C9: variants seen among roughly 807,000 people sequenced by gnomAD.
The protein encoded by C9 is complement C9.
In C9, 63 loss-of-function variants were observed where a neutral mutation model predicts 65.4. That is an observed-to-expected ratio of 0.96 (90% CI 0.79 to 1.19). The LOEUF is 1.19. Ranked by LOEUF, C9 falls within the 50% of genes most tolerant of loss-of-function variation. The pLI, the probability that C9 is intolerant of heterozygous loss-of-function variation, is 0.00. For synonymous variants in C9, 229 were observed against 227.9 expected, an observed-to-expected ratio of 1.00 and a Z score of -0.04; for missense variants, 744 against 670.1, an observed-to-expected ratio of 1.11 and a Z score of -1.22.
rs922378969 is a variant in C9 at position 39,329,005 on chromosome 5, C to T, written c.615+2671G>A. ...GTGCATTTTGCAAATTTTTGTTCAT[C>T]TCCCAAATCTTACATTTTCATGGAG... On this transcript the variant is annotated intron_variant, in intron 5 of 10. Transcript: ENST00000263408. Among the ~76,000 whole-genome samples, 4 of 152,286 alleles carry T rather than the reference C, an allele frequency of 2.6e-5. No homozygotes were observed. In the East Asian group the frequency reaches 7.7e-4, roughly 29 times the overall value.
chr5:39,325,397 G>A (rs568868288), intron 5 of C9, among the ~76,000 whole-genome samples: 103 of 152,190 alleles, frequency 6.8e-4, no homozygotes, highest in African/African-American at 2.4e-3. Context: ...AATCTTAAAC[G>A]TTTGTGTGCT....
intron 1 of C9, among the ~76,000 whole-genome samples, chr5:39,343,175 TG>T (rs1159457629): frequency 6.6e-6 from 1 of 152,006 alleles, no homozygotes; most frequent in Non-Finnish European, 1.5e-5. Context: ...CATCAGACAG[TG>T]GGGGCAGGAC....
chr5:39,347,971 A>G (rs927256831), intron 1 of C9, among the ~76,000 whole-genome samples: 1 of 143,376 alleles, frequency 7.0e-6, no homozygotes, highest in African/African-American at 2.6e-5. Context: ...AGCCTTATGT[A>G]GAAAGCTGAA....
chr5:39,310,308 C>T (rs59747263), intron 7 of C9, among the ~76,000 whole-genome samples: 6 of 152,268 alleles, frequency 3.9e-5, no homozygotes, highest in Admixed American at 1.3e-4. Flanking sequence ...CTAAGAGACA[C>T]ACCTATAGTT....
intron 4 of C9, among the ~76,000 whole-genome samples, chr5:39,333,877 T>C (rs13354335): frequency 6.6e-6 from 1 of 152,020 alleles, no homozygotes; most frequent in Non-Finnish European, 1.5e-5. Flanking sequence ...GCCTCCTGAG[T>C]TGCCGGGATT....
At chr5:39,325,791 G>T (rs975284844) in intron 5 of C9, among the ~76,000 whole-genome samples, 7 of 116,112 alleles carry the variant, frequency 6.0e-5, no homozygotes, top group Admixed American at 4.1e-4. Flanking sequence ...AAAAAAAAAA[G>T]ATGCAATGAT....
chr5:39,313,712 A>G (rs892943838), intron 6 of C9, among the ~76,000 whole-genome samples: 8 of 152,112 alleles, frequency 5.3e-5, no homozygotes, highest in African/African-American at 1.9e-4. Context: ...ATTTGATTGT[A>G]TTCTATTTTC....
intron 1 of C9, among the ~76,000 whole-genome samples, chr5:39,360,313 G>A (rs182809956): frequency 2.0e-5 from 3 of 152,066 alleles, no homozygotes; most frequent in African/African-American, 7.2e-5. Flanking sequence ...CACAGAGATG[G>A]TAAGGAATTG....
At chr5:39,353,571 C>A (rs192884744) in intron 1 of C9, among the ~76,000 whole-genome samples, 1 of 152,170 alleles carries the variant, frequency 6.6e-6, no homozygotes, top group Admixed American at 6.5e-5. Context: ...TTAACCTCCC[C>A]GTGTAATTTA....
intron 1 of C9, among the ~76,000 whole-genome samples, chr5:39,359,929 A>G (rs1754483738): frequency 6.6e-6 from 1 of 152,276 alleles, no homozygotes; most frequent in Admixed American, 6.5e-5. Flanking sequence ...TAAATGGACA[A>G]ATACACAAAT....
chr5:39,301,700 C>A (rs1038850755), intron 9 of C9, among the ~76,000 whole-genome samples: 1 of 142,790 alleles, frequency 7.0e-6, no homozygotes. Flanking sequence ...AAGAGGACAT[C>A]TGTATCAAAA....
chr5:39,324,915 C>T (rs1561343734), intron 5 of C9, among the ~76,000 whole-genome samples: 2 of 152,096 alleles, frequency 1.3e-5, no homozygotes, highest in East Asian at 3.9e-4. Context: ...TTCTAGGAGG[C>T]CAGACATATT....
intron 4 of C9, among the ~76,000 whole-genome samples, chr5:39,336,445 A>T (rs890306697): frequency 6.6e-6 from 1 of 152,156 alleles, no homozygotes; most frequent in Non-Finnish European, 1.5e-5. Flanking sequence ...ATTTAAAAAT[A>T]TTAAATACTC....
Position 39,284,965 on chromosome 5 carries a change from C to T in C9, c.*234G>A, listed in dbSNP as rs951389049. 3.6e-5 allele frequency: 17 copies of T among 474,290 alleles called. No individual in the cohort carries two copies. The highest frequency in any genetic ancestry group is 5.3e-5 in the Non-Finnish European group (14 of 262,598). 29.4% of individuals were successfully genotyped at this position (474,290 alleles called of 1,614,324 possible). The stretch of plus-strand genomic sequence containing the variant: ...TTTCCGTGGGATAAAGCAGTTCTGG[C>T]GTATTTCACTGTTGACTTCTCATTA... On this transcript the variant is annotated 3_prime_UTR_variant, in exon 11 of 11. Transcript: ENST00000263408.
Position 39,315,961 on chromosome 5 carries a change from G to A in C9, c.684C>T (p.Ile228=), listed in dbSNP as rs1753562733. The change falls in exon 6 of 11, where the codon ATC becomes ATT. Residue 228 remains isoleucine, a synonymous_variant. Coordinates refer to ENST00000263408, the MANE Select transcript of C9 (RefSeq NM_001737.5). ...EEQIEAFKSI[I]QEKTSNFNAA... Reference sequence around the variant, plus strand: ...CATTAAAATTTGATGTCTTCTCTTGGATGATACTTTTAAATGCTTCAATTT... The same window carrying A: ...CATTAAAATTTGATGTCTTCTCTTGAATGATACTTTTAAATGCTTCAATTT... 2 of 1,609,788 alleles carry A rather than the reference G, an allele frequency of 1.2e-6. No homozygotes were observed. Among genetic ancestry groups the A allele is most frequent in the African/African-American group, 2.7e-5 (2 of 74,778 alleles).
At chr5:39,349,806 C>CT (rs568921724) in intron 1 of C9, among the ~76,000 whole-genome samples, 1 of 152,102 alleles carries the variant, frequency 6.6e-6, no homozygotes, top group South Asian at 2.1e-4. Context: ...TCTTTCATTT[C>CT]TTTTTTCTTC....
chr5:39,285,055 C>A lies in C9; in HGVS notation c.*144G>T. On this transcript the variant is annotated 3_prime_UTR_variant, in exon 11 of 11. Coordinates refer to ENST00000263408, the MANE Select transcript of C9 (RefSeq NM_001737.5). ...AAAAATTTAAAAAAAAATTATAGAC[C>A]TAAGAGAGAAGAGACTTCAGAGGTT... 1.4e-6 allele frequency: 1 copy of A among 722,102 alleles called. No homozygotes were observed. The highest frequency in any genetic ancestry group is 2.5e-6 in the Non-Finnish European group (1 of 404,932). The allele number at this position is 722,102 out of a possible 1,614,324, so 44.7% of individuals were successfully genotyped here. A position where few individuals can be genotyped will look rare whatever the true frequency, so the allele number is the denominator to read the frequency against.
chr5:39,347,607 A>G (rs1368418838), intron 1 of C9, among the ~76,000 whole-genome samples: 1 of 152,222 alleles, frequency 6.6e-6, no homozygotes, highest in Non-Finnish European at 1.5e-5. Context: ...AAGGTAATTT[A>G]TAGATTCAAT....
chr5:39,304,961 T>C (rs1753347277), intron 9 of C9, among the ~76,000 whole-genome samples: 1 of 152,172 alleles, frequency 6.6e-6, no homozygotes, highest in African/African-American at 2.4e-5. Flanking sequence ...CGTGCTGAAC[T>C]ATTATTAAGA....
Sources: gnomAD v4.1 joint callset for allele counts (sites outside exome capture counted in the v4.1 genomes callset) on GRCh38, gnomAD v4.1.1 for gene constraint, MANE v1.5 for transcripts, NCBI Gene and HGNC (gene_info 2026-07-23, HGNC 2026-07-21) for gene names.